GRM5: variants seen among roughly 807,000 people sequenced by gnomAD.
GRM5 encodes metabotropic glutamate receptor 5.
GRM5 carries 19 observed loss-of-function variants against 83.1 expected under a neutral mutation model. The ratio of observed to expected loss-of-function variants is 0.23; its 90% CI spans 0.16 to 0.34. The LOEUF (loss-of-function observed/expected upper bound fraction) is 0.34. Among genes scored for constraint, GRM5 ranks in the 10% least tolerant of loss-of-function variants. GRM5 has a pLI of 1.00. For missense variants in GRM5, 1,160 were observed against 1,588.3 expected (o/e 0.73, Z 4.58); for synonymous variants, 675 against 633.6 (o/e 1.07, Z -0.98).
At chr11:88,919,815 T>C (rs550083160) in intron 2 of GRM5, among the ~76,000 whole-genome samples, 69 of 151,896 alleles carry the variant, frequency 4.5e-4, no homozygotes, top group African/African-American at 1.6e-3. Context: ...GGCCCATGAA[T>C]AAATTAAAAC....
intron 3 of GRM5, among the ~76,000 whole-genome samples, chr11:88,779,124 ATG>A (rs2135460636): frequency 6.6e-6 from 1 of 152,340 alleles, no homozygotes; most frequent in South Asian, 2.1e-4. Flanking sequence ...ATTAATCAGA[ATG>A]TGGTAAACAT....
intron 2 of GRM5, among the ~76,000 whole-genome samples, chr11:89,036,669 AATTT>A (rs1941393105): frequency 3.0e-5 from 1 of 33,672 alleles, no homozygotes; most frequent in Non-Finnish European, 5.8e-5. Context: ...TTTGTACTCA[AATTT>A]GCCCCAAAGT....
rs1393460011 is a variant in GRM5, at chr11:88,688,517, T to C, written c.912-35114A>G. The stretch of plus-strand genomic sequence containing the variant: ...TAAAATATTGACTAAAAGTTGGAAC[T>C]CTTAAATTTTAATAAGGCCTATTTG... On this transcript the variant is annotated intron_variant, in intron 3 of 9. Transcript: ENST00000305447. Among the ~76,000 whole-genome samples, 2 of 152,174 alleles carry C rather than the reference T, an allele frequency of 1.3e-5. 1 individual carries two copies. Among genetic ancestry groups the C allele is most frequent in the South Asian group, 4.1e-4 (2 of 4,830 alleles).
intron 8 of GRM5, among the ~76,000 whole-genome samples, chr11:88,553,434 T>G (rs1942557015): frequency 6.6e-6 from 1 of 152,136 alleles, no homozygotes; most frequent in African/African-American, 2.4e-5. Flanking sequence ...GTTCCTTCTG[T>G]GCCTTTTCTG....
At chr11:88,987,231 T>G (rs542073870) in intron 2 of GRM5, among the ~76,000 whole-genome samples, 304 of 152,010 alleles carry the variant, frequency 2.0e-3, no homozygotes, top group African/African-American at 7.1e-3. Flanking sequence ...CCTTTCCTAG[T>G]CAAAGAAAGG....
intron 8 of GRM5, among the ~76,000 whole-genome samples, chr11:88,540,403 C>G (rs308890): frequency 0.05 from 7,670 of 152,146 alleles, 672 homozygotes; most frequent in African/African-American, 0.18. Flanking sequence ...TTCACAAGAA[C>G]AAGATGAGAT....
intron 3 of GRM5, among the ~76,000 whole-genome samples, chr11:88,773,172 GT>G (rs1231027826): frequency 1.3e-5 from 2 of 152,084 alleles, no homozygotes; most frequent in African/African-American, 2.4e-5. Context: ...TCTCATTGTG[GT>G]TTTGATTTGC....
chr11:88,765,830 A>G (rs1269171465), intron 3 of GRM5, among the ~76,000 whole-genome samples: 1 of 151,892 alleles, frequency 6.6e-6, no homozygotes, highest in Non-Finnish European at 1.5e-5. Context: ...CAACAACAAA[A>G]AATAGACAAA....
At chr11:88,857,543 GAAAAGCTTGACAGTGA>G (rs1944496926) in intron 2 of GRM5, among the ~76,000 whole-genome samples, 1 of 151,994 alleles carries the variant, frequency 6.6e-6, no homozygotes, top group African/African-American at 2.4e-5. Context: ...CCAGGAGTGG[GAAAAGCTTGACAGTGA>G]AGCACCTCTT....
At position 88,948,642 on chromosome 11, in the gene GRM5, C is replaced by T. The variant is rs893633916; in HGVS notation, c.662-98487G>A. On this transcript the variant is annotated intron_variant, in intron 2 of 9. Coordinates refer to ENST00000305447, the MANE Select transcript of GRM5 (RefSeq NM_001143831.3). ...GTACATGGAGATCATTCCTGTTTTC[C>T]TGTATTCTGTCCAGCTAACATGCAC... Among the ~76,000 whole-genome samples the T allele has an allele frequency of 7.2e-4, 110 of 152,114 alleles. 2 individuals carry two copies. Among genetic ancestry groups the T allele is most frequent in the African/African-American group, 2.6e-3 (108 of 41,414 alleles).
chr11:88,645,241 C>T (rs532168175), intron 4 of GRM5, among the ~76,000 whole-genome samples: 104 of 152,176 alleles, frequency 6.8e-4, no homozygotes, highest in African/African-American at 2.5e-3. Flanking sequence ...TATATCTGTG[C>T]TCAGTGTCTG....
chr11:88,796,163 G>A (rs1336772727), intron 3 of GRM5, among the ~76,000 whole-genome samples: 8 of 152,124 alleles, frequency 5.3e-5, no homozygotes, highest in African/African-American at 7.2e-5. Flanking sequence ...CAAGATCCAT[G>A]GACACAATGT....
At chr11:88,793,072 A>G (rs1208844619) in intron 3 of GRM5, among the ~76,000 whole-genome samples, 2 of 152,084 alleles carry the variant, frequency 1.3e-5, no homozygotes, top group African/African-American at 4.8e-5. Flanking sequence ...ATGCATTCTT[A>G]TAGTTACAGA....
intron 3 of GRM5, among the ~76,000 whole-genome samples, chr11:88,760,943 C>T (rs188884423): frequency 2.0e-5 from 3 of 152,184 alleles, no homozygotes; most frequent in African/African-American, 7.2e-5. Flanking sequence ...ATAAACAGAA[C>T]TAAAGCCAAA....
At chr11:88,632,190 C>T (rs1938992773) in intron 4 of GRM5, among the ~76,000 whole-genome samples, 1 of 151,542 alleles carries the variant, frequency 6.6e-6, no homozygotes, top group African/African-American at 2.4e-5. Context: ...CTTTCTGTCA[C>T]TCTAGATTAC....
At chr11:88,824,432 A>C (rs146172371) in intron 3 of GRM5, among the ~76,000 whole-genome samples, 1 of 152,312 alleles carries the variant, frequency 6.6e-6, no homozygotes, top group Non-Finnish European at 1.5e-5. Flanking sequence ...TGGCTTATTT[A>C]GAAAGCTGTA....
intron 3 of GRM5, among the ~76,000 whole-genome samples, chr11:88,812,425 A>C (rs1350815688): frequency 6.6e-6 from 1 of 152,186 alleles, no homozygotes; most frequent in African/African-American, 2.4e-5. Flanking sequence ...ATAGAGATAA[A>C]GCAATTAAGA....
At chr11:88,668,212 G>A (rs970423550) in intron 3 of GRM5, among the ~76,000 whole-genome samples, 91 of 142,668 alleles carry the variant, frequency 6.4e-4, no homozygotes, top group African/African-American at 2.2e-3. Context: ...GCAGAAACTC[G>A]CACACACACA....
At chr11:89,032,301 T>C (rs1941280865) in intron 2 of GRM5, among the ~76,000 whole-genome samples, 1 of 151,962 alleles carries the variant, frequency 6.6e-6, no homozygotes. Context: ...TTAAACACAG[T>C]GATAAAAACA....
Sources: allele counts gnomAD v4.1 joint callset (sites outside exome capture counted in the v4.1 genomes callset), GRCh38; gene constraint gnomAD v4.1.1; transcripts MANE v1.5; gene names NCBI Gene and HGNC (gene_info 2026-07-23, HGNC 2026-07-21).